STIM2: variants seen among roughly 807,000 people sequenced by gnomAD.
STIM2 encodes the protein stromal interaction molecule 2.
STIM2 carries 31 observed loss-of-function variants against 85.8 expected under a neutral mutation model. The observed-to-expected ratio is 0.36, with a 90% CI of 0.27 to 0.49. The LOEUF (loss-of-function observed/expected upper bound fraction) is 0.49. Ranked by LOEUF, STIM2 falls within the 20% of genes least tolerant of loss-of-function variation. STIM2 has a pLI of 0.98. For missense variants in STIM2, 841 were observed against 927.6 expected, an observed-to-expected ratio of 0.91 and a Z score of 1.21; for synonymous variants, 356 against 331.1, an observed-to-expected ratio of 1.08 and a Z score of -0.82.
At chr4:27,018,010 G>T in intron 11 of STIM2, 26 bp downstream of exon 11, 17 of 1,610,568 alleles carry the variant, frequency 1.1e-5, no homozygotes, top group Non-Finnish European at 1.4e-5. Flanking sequence ...AATCTACAGG[G>T]CATGTTGGGG....
intron 3 of STIM2, among the ~76,000 whole-genome samples, chr4:26,966,240 C>T (rs1213773406): frequency 6.6e-6 from 1 of 152,032 alleles, no homozygotes; most frequent in Non-Finnish European, 1.5e-5. Flanking sequence ...TACCCTTTTC[C>T]TAGTAGTTGG....
chr4:26,873,284 A>T (rs1722696217), intron 1 of STIM2, among the ~76,000 whole-genome samples: 1 of 152,072 alleles, frequency 6.6e-6, no homozygotes, highest in Non-Finnish European at 1.5e-5. Context: ...CTGTAATCCC[A>T]GCTACTTGGG....
chr4:26,872,142 G>A (rs2109029396), intron 1 of STIM2, among the ~76,000 whole-genome samples: 1 of 152,168 alleles, frequency 6.6e-6, no homozygotes, highest in African/African-American at 2.4e-5. Context: ...GATTTATTGA[G>A]TGTTATTAAG....
chr4:26,951,457 C>T (rs569454881), intron 2 of STIM2, among the ~76,000 whole-genome samples: 66 of 152,214 alleles, frequency 4.3e-4, no homozygotes, highest in African/African-American at 1.5e-3. Context: ...GGCAGTCATA[C>T]GGCACAGTTG....
At chr4:26,877,311 A>G (rs1326039110) in intron 1 of STIM2, among the ~76,000 whole-genome samples, 1 of 151,992 alleles carries the variant, frequency 6.6e-6, no homozygotes, top group African/African-American at 2.4e-5. Flanking sequence ...TAGCATTGCC[A>G]TTTGACTCTC....
chr4:26,952,879 A>G (rs879657288), intron 2 of STIM2, among the ~76,000 whole-genome samples: 8 of 152,138 alleles, frequency 5.3e-5, no homozygotes, highest in Non-Finnish European at 7.4e-5. Flanking sequence ...GCTATATGAA[A>G]TAGAATACAT....
intron 11 of STIM2, chr4:27,019,285 T>A: frequency 2.0e-6 from 1 of 488,764 alleles, no homozygotes; most frequent in South Asian, 1.6e-5. Flanking sequence ...AAGTGATCAG[T>A]GCAGCATATT....
chr4:26,937,426 C>T (rs1202926524), intron 2 of STIM2, among the ~76,000 whole-genome samples: 1 of 152,164 alleles, frequency 6.6e-6, no homozygotes, highest in Non-Finnish European at 1.5e-5. Context: ...TTTTCAGCAT[C>T]ACAGCACAGC....
intron 3 of STIM2, among the ~76,000 whole-genome samples, chr4:26,983,531 G>A (rs1211072026): frequency 6.6e-6 from 1 of 152,138 alleles, no homozygotes; most frequent in Non-Finnish European, 1.5e-5. Context: ...TATAATTGAA[G>A]ATCAAACAAA....
At chr4:26,870,241 C>A (rs1401622284) in intron 1 of STIM2, among the ~76,000 whole-genome samples, 1 of 149,016 alleles carries the variant, frequency 6.7e-6, no homozygotes, top group Non-Finnish European at 1.5e-5. Flanking sequence ...TTAATAGTGT[C>A]ATATACTGTA....
intron 3 of STIM2, among the ~76,000 whole-genome samples, chr4:26,982,615 A>G (rs760301762): frequency 6.6e-6 from 1 of 152,106 alleles, no homozygotes; most frequent in Non-Finnish European, 1.5e-5. Flanking sequence ...CTTAACCTCA[A>G]TCCTGGAAAC....
chr4:27,020,708 GA>G, intron 11 of STIM2, among the ~76,000 whole-genome samples: 1 of 152,196 alleles, frequency 6.6e-6, no homozygotes, highest in Admixed American at 6.5e-5. Context: ...TCAGTAACAT[GA>G]AAATGATATT....
intron 1 of STIM2, among the ~76,000 whole-genome samples, chr4:26,899,817 GT>G (rs1478950086): frequency 2.6e-5 from 4 of 152,038 alleles, no homozygotes; most frequent in Non-Finnish European, 5.9e-5. Context: ...TAATACAATT[GT>G]TTAGATTTGT....
chr4:26,911,846 A>G (rs1256098464), intron 1 of STIM2, among the ~76,000 whole-genome samples: 1 of 152,086 alleles, frequency 6.6e-6, no homozygotes, highest in South Asian at 2.1e-4. Context: ...TTTATGCATT[A>G]CTCTTTTTGG....
At chr4:26,941,035 G>C (rs752073546) in intron 2 of STIM2, among the ~76,000 whole-genome samples, 1 of 152,142 alleles carries the variant, frequency 6.6e-6, no homozygotes, top group Admixed American at 6.6e-5. Context: ...TGACATTCAT[G>C]ATCTTTTACA....
At chr4:26,862,057 A>T (rs1722231447) in intron 1 of STIM2, among the ~76,000 whole-genome samples, 1 of 152,088 alleles carries the variant, frequency 6.6e-6, no homozygotes, top group Non-Finnish European at 1.5e-5. Flanking sequence ...TATACCTAAA[A>T]TTTGCAAAGT....
intron 7 of STIM2, among the ~76,000 whole-genome samples, chr4:27,007,301 T>TG (rs1317308297): frequency 6.6e-6 from 1 of 151,506 alleles, no homozygotes; most frequent in East Asian, 1.9e-4. Context: ...AAGATGCACT[T>TG]GAAGCTCAGC....
chr4:26,983,306 T>C (rs1038838783), intron 3 of STIM2, among the ~76,000 whole-genome samples: 1 of 152,218 alleles, frequency 6.6e-6, no homozygotes, highest in Non-Finnish European at 1.5e-5. Flanking sequence ...GGGGAGCCTA[T>C]TTAGTAATTT....
chr4:26,988,154 G>A (rs961947419), intron 3 of STIM2, among the ~76,000 whole-genome samples: 2 of 152,176 alleles, frequency 1.3e-5, no homozygotes, highest in Admixed American at 1.3e-4. Context: ...ATTTTTTTGT[G>A]TGTTAATCAT....
Sources: allele counts gnomAD v4.1 joint callset (sites outside exome capture counted in the v4.1 genomes callset), GRCh38; gene constraint gnomAD v4.1.1; transcripts MANE v1.5; gene names NCBI Gene and HGNC (gene_info 2026-07-23, HGNC 2026-07-21).